RANBP2: variants seen among roughly 807,000 people sequenced by gnomAD.
The protein encoded by RANBP2 is E3 SUMO-protein ligase RanBP2.
A neutral mutation model predicts 303.6 loss-of-function variants in RANBP2; 57 were observed. The ratio of observed to expected loss-of-function variants is 0.19; its 90% CI spans 0.15 to 0.23. The LOEUF is 0.23. RANBP2 is among the 10% of genes least tolerant of loss of function. The pLI, the probability that RANBP2 is intolerant of heterozygous loss-of-function variation, is 1.00. For synonymous variants in RANBP2, 1,167 were observed against 1,301.5 expected (o/e 0.90, Z 2.23); for missense variants, 3,138 against 3,780.8 (o/e 0.83, Z 4.46).
chr2:109,011,421 G>A, the RANBP2 span, among the ~76,000 whole-genome samples: 6 of 152,294 alleles, frequency 3.9e-5, no homozygotes, highest in Admixed American at 1.3e-4. Context: ...AAGCCATCCT[G>A]ATTCCTGGTC....
chr2:109,664,615 A>G, the RANBP2 span, among the ~76,000 whole-genome samples: 1 of 151,810 alleles, frequency 6.6e-6, no homozygotes, highest in South Asian at 2.1e-4. Context: ...AAATAAGTAA[A>G]TAAATAAATA....
the RANBP2 span, among the ~76,000 whole-genome samples, chr2:109,687,303 T>G: frequency 6.6e-6 from 1 of 152,246 alleles, no homozygotes; most frequent in African/African-American, 2.4e-5. Context: ...AGCTCCTGCA[T>G]GCTGAGCCCT....
At position 108,775,823 on chromosome 2, in the gene RANBP2, A is replaced by T; in HGVS notation, c.8384A>T (p.Glu2795Val). The T allele has an allele frequency of 1.2e-6, 2 of 1,613,882 alleles. No homozygotes were observed. The highest frequency in any genetic ancestry group is 2.2e-5 in the South Asian group (2 of 91,080). ...VMVPSFCKSE[E>V]PDSITKSISS... ...GTACCTTCTTTCTGTAAATCTGAAG[A>T]ACCTGATTCTATTACCAAATCCATT... The change falls in exon 24 of 29, where the codon GAA becomes GTA. Residue 2795 changes from glutamate to valine, a missense_variant. By Grantham distance (121) the Glu-to-Val change is moderately radical (BLOSUM62 -2). Coordinates refer to ENST00000283195, the MANE Select transcript of RANBP2 (RefSeq NM_006267.5).
chr2:108,751,386 C>T lies in RANBP2; in HGVS notation c.1396C>T (p.His466Tyr). ...AAAACAGCTTTTCCATCATTTGCCC[C>T]ATGAAACCTCAAGGCTTGAAACAAA... ...WLKQLFHHLP[H>Y]ETSRLETNAP... The change falls in exon 10 of 29, where the codon CAT (histidine) becomes TAT (tyrosine). Residue 466 changes from histidine to tyrosine, a missense_variant. By Grantham distance (83) the His-to-Tyr change is moderately conservative (BLOSUM62 2). Coordinates refer to ENST00000283195, the MANE Select transcript of RANBP2 (RefSeq NM_006267.5). 3 of 1,611,974 alleles carry T rather than the reference C, an allele frequency of 1.9e-6. No individual in the cohort carries two copies. Among genetic ancestry groups the T allele is most frequent in the Non-Finnish European group, 1.7e-6 (2 of 1,179,854 alleles).
the RANBP2 span, among the ~76,000 whole-genome samples, chr2:109,229,826 CTTTTT>C: frequency 3.8e-5 from 5 of 130,010 alleles, no homozygotes; most frequent in Admixed American, 7.8e-5. Context: ...CTTTTTCTTT[CTTTTT>C]TTTTTTTTTT....
At chr2:108,915,897 CA>C in the RANBP2 span, among the ~76,000 whole-genome samples, 23 of 144,992 alleles carry the variant, frequency 1.6e-4, no homozygotes, top group South Asian at 1.1e-3. Flanking sequence ...AACTCCATCT[CA>C]AAAAAAAAAT....
intron 4 of RANBP2, chr2:108,731,762 C>T (rs1206237199): frequency 4.6e-5 from 18 of 391,994 alleles, no homozygotes; most frequent in South Asian, 2.1e-4. Flanking sequence ...CATTAAGTTC[C>T]GTCTGGTATA....
chr2:109,554,345 C>T, the RANBP2 span, among the ~76,000 whole-genome samples: 75 of 152,222 alleles, frequency 4.9e-4, no homozygotes, highest in Admixed American at 4.7e-3. Flanking sequence ...ATTTGTGTAT[C>T]GTATACACAA....
chr2:109,631,713 G>A, the RANBP2 span, among the ~76,000 whole-genome samples: 2 of 151,938 alleles, frequency 1.3e-5, no homozygotes, highest in Non-Finnish European at 2.9e-5. Context: ...CTGAGATTGC[G>A]CCATTGCACT....
the RANBP2 span, among the ~76,000 whole-genome samples, chr2:109,684,404 C>T: frequency 6.6e-6 from 1 of 151,788 alleles, no homozygotes; most frequent in Admixed American, 6.6e-5. Context: ...CCACGGCCGG[C>T]TAATTTTTGT....
chr2:108,771,725 A>G lies in RANBP2; in HGVS notation c.7874A>G (p.Asp2625Gly). ...GCAAAAGAGAAGAAAAAACCTGAAG[A>G]TTCTCCCTCAGATGATGATGTTCTC... ...EKAKEKKKPE[D>G]SPSDDDVLIV... The change falls in exon 21 of 29, where the codon GAT (aspartate) becomes GGT (glycine). Residue 2625 changes from aspartate (D) to glycine (G), a missense_variant. Physicochemically the swap from Asp to Gly is moderately conservative, Grantham distance 94. Transcript: ENST00000283195. The G allele has an allele frequency of 4.3e-6, 7 of 1,613,594 alleles. No individual in the cohort carries two copies. Among genetic ancestry groups the G allele is most frequent in the Non-Finnish European group, 5.9e-6 (7 of 1,179,928 alleles).
chr2:108,790,106 G>C (rs546117018), downstream of RANBP2, among the ~76,000 whole-genome samples: 6 of 152,084 alleles, frequency 3.9e-5, no homozygotes, highest in East Asian at 7.7e-4. Flanking sequence ...AACACACTTT[G>C]AACAGTTCTG....
the RANBP2 span, among the ~76,000 whole-genome samples, chr2:109,384,240 C>G: frequency 1.3e-5 from 2 of 151,998 alleles, no homozygotes; most frequent in African/African-American, 2.4e-5. Flanking sequence ...CAGAGGAGAA[C>G]CCTGGAGACC....
chr2:108,763,845 A>G lies in RANBP2; in HGVS notation c.3306A>G (p.Gly1102=), dbSNP rs767481522. 20 of 1,613,946 alleles carry G rather than the reference A, an allele frequency of 1.2e-5. No homozygotes were observed. Among genetic ancestry groups the G allele is most frequent in the Non-Finnish European group, 8.5e-7 (1 of 1,179,994 alleles). ...GGCCTCGAAATACATTCAATTTTGG[A>G]AGCAAAAATGTGTCTGGAATTTCAT... ...TIGPRNTFNF[G]SKNVSGISFT... Residue 1102 remains glycine, a synonymous_variant, in exon 20 of 29, where the codon GGA becomes GGG. Coordinates refer to ENST00000283195, the MANE Select transcript of RANBP2 (RefSeq NM_006267.5).
At chr2:108,820,980 T>C in the RANBP2 span, among the ~76,000 whole-genome samples, 1 of 150,816 alleles carries the variant, frequency 6.6e-6, no homozygotes, top group South Asian at 2.1e-4. Context: ...TGTAAGTTGA[T>C]TTTTAATTCT....
the RANBP2 span, among the ~76,000 whole-genome samples, chr2:109,222,904 G>A: frequency 2.6e-5 from 4 of 152,270 alleles, no homozygotes; most frequent in Admixed American, 1.3e-4. Flanking sequence ...TCCCACATGG[G>A]GACTCAGCCA....
At chr2:109,767,376 C>G in the RANBP2 span, among the ~76,000 whole-genome samples, 4 of 146,540 alleles carry the variant, frequency 2.7e-5, no homozygotes, top group African/African-American at 1.0e-4. Context: ...TACGGTGGTA[C>G]TACTCACATA....
chr2:109,322,359 C>T, the RANBP2 span, among the ~76,000 whole-genome samples: 120 of 152,216 alleles, frequency 7.9e-4, no homozygotes, highest in Middle Eastern at 6.8e-3. Context: ...CAACATGTGC[C>T]GAAATGTTCC....
the RANBP2 span, among the ~76,000 whole-genome samples, chr2:109,067,755 G>A: frequency 6.6e-6 from 1 of 152,206 alleles, no homozygotes; most frequent in Admixed American, 6.5e-5. Flanking sequence ...GATTCCTGGA[G>A]TCATCTTGGA....
Sources: gnomAD v4.1 joint callset for allele counts (sites outside exome capture counted in the v4.1 genomes callset) on GRCh38, gnomAD v4.1.1 for gene constraint, MANE v1.5 for transcripts, NCBI Gene and HGNC (gene_info 2026-07-23, HGNC 2026-07-21) for gene names.